DSCAML1: variants seen among roughly 807,000 people sequenced by gnomAD.
The protein encoded by DSCAML1 is cell adhesion molecule DSCAML1.
A neutral mutation model predicts 200.5 loss-of-function variants in DSCAML1; 38 were observed. The ratio of observed to expected loss-of-function variants is 0.19; its 90% CI spans 0.15 to 0.25. The LOEUF is 0.25. Among genes scored for constraint, DSCAML1 ranks in the 10% least tolerant of loss-of-function variants. The pLI is 1.00. For missense variants in DSCAML1, 2,223 were observed against 2,858.8 expected (o/e 0.78, Z 5.07); for synonymous variants, 1,215 against 1,165.0 (o/e 1.04, Z -0.87).
chr11:117,810,339 TA>T (rs2055750809), intron 1 of DSCAML1, among the ~76,000 whole-genome samples: 1 of 151,998 alleles, frequency 6.6e-6, no homozygotes, highest in African/African-American at 2.4e-5. Context: ...CCCGCTTTTC[TA>T]GGGGGCAAGA....
chr11:117,531,900 AAAGGGAAGGGAAGGAAAGGG>A (rs1336866190), intron 4 of DSCAML1, among the ~76,000 whole-genome samples: 7 of 116,054 alleles, frequency 6.0e-5, no homozygotes, highest in Non-Finnish European at 1.2e-4. Context: ...AAAAAGAAAG[AAAGGGAAGGGAAGGAAAGGG>A]AAGGGAAGGG....
At chr11:117,673,905 T>A (rs1037194053) in intron 3 of DSCAML1, among the ~76,000 whole-genome samples, 3 of 152,236 alleles carry the variant, frequency 2.0e-5, no homozygotes, top group Non-Finnish European at 4.4e-5. Flanking sequence ...ATCTCCTTAT[T>A]TCTGTGCACA....
At chr11:117,620,151 T>C (rs1407872478) in intron 3 of DSCAML1, among the ~76,000 whole-genome samples, 1 of 152,172 alleles carries the variant, frequency 6.6e-6, no homozygotes, top group Non-Finnish European at 1.5e-5. Context: ...GAACGATTCC[T>C]AAACTGTGCC....
chr11:117,466,801 G>A (rs2048588938), intron 16 of DSCAML1, among the ~76,000 whole-genome samples: 1 of 152,230 alleles, frequency 6.6e-6, no homozygotes, highest in Admixed American at 6.5e-5. Context: ...CATTGTGAAT[G>A]TGCTTACTGC....
chr11:117,442,254 ATG>A (rs998656141), intron 21 of DSCAML1, among the ~76,000 whole-genome samples: 14 of 145,386 alleles, frequency 9.6e-5, no homozygotes, highest in Non-Finnish European at 1.6e-4. Flanking sequence ...GCATGTGCAT[ATG>A]TGTGTGCATG....
intron 3 of DSCAML1, among the ~76,000 whole-genome samples, chr11:117,605,169 C>T (rs1261596979): frequency 6.6e-6 from 1 of 152,136 alleles, no homozygotes; most frequent in East Asian, 1.9e-4. Context: ...GCTGAGACTA[C>T]AGGTGCACGC....
At chr11:117,511,738 C>T (rs569051010) in intron 8 of DSCAML1, among the ~76,000 whole-genome samples, 6 of 152,368 alleles carry the variant, frequency 3.9e-5, no homozygotes, top group African/African-American at 1.2e-4. Flanking sequence ...GTCCCACCTG[C>T]AGCCACTTTT....
chr11:117,804,386 A>C (rs1253047275), intron 1 of DSCAML1, among the ~76,000 whole-genome samples: 1 of 152,292 alleles, frequency 6.6e-6, no homozygotes, highest in African/African-American at 2.4e-5. Flanking sequence ...CCCCACACAG[A>C]AGTTTATCTA....
In DSCAML1 at chr11:117,433,645, C is replaced by T. The variant is rs148374689; in HGVS notation, c.4877-174G>A. On this transcript the variant is annotated intron_variant, in intron 27 of 32. Coordinates refer to ENST00000651296, the MANE Select transcript of DSCAML1 (RefSeq NM_020693.4). ...CTACAAAACAGCCCAAAACATGACG[C>T]GGTTTCACTGCTCCAAATTCAGGAT... 2.0e-3 allele frequency among the ~76,000 whole-genome samples: 299 copies of T among 152,272 alleles called. 1 individual carries two copies. Among genetic ancestry groups the T allele is most frequent in the African/African-American group, 6.6e-3 (275 of 41,530 alleles).
intron 14 of DSCAML1, among the ~76,000 whole-genome samples, chr11:117,475,777 C>T (rs755934116): frequency 3.9e-5 from 6 of 152,170 alleles, no homozygotes; most frequent in South Asian, 2.1e-4. Context: ...GGGAGTGTCC[C>T]GGAGAACAAC....
intron 3 of DSCAML1, among the ~76,000 whole-genome samples, chr11:117,689,412 G>A (rs1312486539): frequency 2.0e-5 from 3 of 152,160 alleles, no homozygotes; most frequent in African/African-American, 7.2e-5. Context: ...ACAAACCTTC[G>A]GGGATTTGTA....
chr11:117,746,679 G>A (rs191827203), intron 3 of DSCAML1, among the ~76,000 whole-genome samples: 3 of 152,248 alleles, frequency 2.0e-5, no homozygotes, highest in African/African-American at 4.8e-5. Context: ...AACCTGGGAC[G>A]ACAACCTTTC....
chr11:117,580,127 T>C (rs2051013906), intron 3 of DSCAML1, among the ~76,000 whole-genome samples: 1 of 152,180 alleles, frequency 6.6e-6, no homozygotes. Context: ...TAGATGGTCT[T>C]CTCATGGAAC....
intron 3 of DSCAML1, among the ~76,000 whole-genome samples, chr11:117,742,622 T>G (rs749559317): frequency 6.6e-6 from 1 of 152,196 alleles, no homozygotes; most frequent in Non-Finnish European, 1.5e-5. Context: ...AGCTGGGGAC[T>G]TGGAGAGCCG....
intron 3 of DSCAML1, among the ~76,000 whole-genome samples, chr11:117,544,188 C>T (rs982912967): frequency 1.3e-5 from 2 of 152,154 alleles, no homozygotes; most frequent in African/African-American, 4.8e-5. Flanking sequence ...TTCAGGATGC[C>T]AGGGCCTCGA....
chr11:117,781,084 G>A (rs1248599588), intron 1 of DSCAML1, among the ~76,000 whole-genome samples: 1 of 152,124 alleles, frequency 6.6e-6, no homozygotes, highest in Non-Finnish European at 1.5e-5. Flanking sequence ...ATCACCTGAG[G>A]TCAGGAGTTC....
chr11:117,726,788 G>A (rs966617599), intron 3 of DSCAML1, among the ~76,000 whole-genome samples: 1 of 152,174 alleles, frequency 6.6e-6, no homozygotes, highest in African/African-American at 2.4e-5. Context: ...ATGGAGAGGT[G>A]CTTTGGTAGT....
At chr11:117,451,529 T>C (rs960644078) in intron 19 of DSCAML1, among the ~76,000 whole-genome samples, 6 of 152,230 alleles carry the variant, frequency 3.9e-5, no homozygotes, top group African/African-American at 1.4e-4. Context: ...GAATTAGTGC[T>C]AATTAAAGTA....
intron 3 of DSCAML1, among the ~76,000 whole-genome samples, chr11:117,707,336 G>A (rs1024759412): frequency 2.6e-5 from 4 of 152,086 alleles, no homozygotes; most frequent in African/African-American, 9.7e-5. Context: ...GGCTCCCAAA[G>A]ATAAGGAAAA....
Sources: allele counts gnomAD v4.1 joint callset (sites outside exome capture counted in the v4.1 genomes callset), GRCh38; gene constraint gnomAD v4.1.1; transcripts MANE v1.5; gene names NCBI Gene and HGNC (gene_info 2026-07-23, HGNC 2026-07-21).